Variants in PKNOX1 observed in about 807,000 individuals in gnomAD.
The protein encoded by PKNOX1 is PBX/knotted 1 homeobox 1, also known as homeobox protein PKNOX1.
In PKNOX1, 15 loss-of-function variants were observed where a neutral mutation model predicts 51.9. That is an observed-to-expected ratio of 0.29 (90% CI 0.19 to 0.45). The LOEUF (loss-of-function observed/expected upper bound fraction) is 0.45, where lower values mean the gene tolerates loss of function less well. Ranked by LOEUF, PKNOX1 falls within the 20% of genes least tolerant of loss-of-function variation. The pLI, the probability that PKNOX1 is intolerant of heterozygous loss-of-function variation, is 1.00. For missense variants in PKNOX1, 462 were observed against 547.5 expected (o/e 0.84, Z 1.56); for synonymous variants, 219 against 211.1 (o/e 1.04, Z -0.32).
intron 9 of PKNOX1, 137 bp from the exon 10 acceptor site, chr21:43,028,565 G>A: frequency 1.3e-6 from 1 of 750,550 alleles, no homozygotes; most frequent in South Asian, 1.7e-5. Flanking sequence ...CTCTTAAGTA[G>A]TTACTATAGT....
intron 2 of PKNOX1, among the ~76,000 whole-genome samples, chr21:43,005,534 C>CTT (rs35211045): frequency 9.6e-5 from 14 of 145,106 alleles, no homozygotes; most frequent in Non-Finnish European, 2.1e-4. Flanking sequence ...TTCCAATTGA[C>CTT]TTTTTTTTTT....
intron 1 of PKNOX1, among the ~76,000 whole-genome samples, chr21:43,002,493 C>T (rs1978807077): frequency 6.7e-6 from 1 of 148,170 alleles, no homozygotes. Context: ...CCCTTAGTGG[C>T]TCCAGAATGA....
chr21:42,976,589 GT>G (rs763873087), intron 1 of PKNOX1, among the ~76,000 whole-genome samples: 2 of 152,214 alleles, frequency 1.3e-5, no homozygotes. Context: ...TATTCCAAAT[GT>G]TTTGTTGTCA....
At chr21:43,015,388 G>A (rs1248847834) in intron 5 of PKNOX1, among the ~76,000 whole-genome samples, 1 of 152,136 alleles carries the variant, frequency 6.6e-6, no homozygotes, top group Non-Finnish European at 1.5e-5. Flanking sequence ...TACATGGATT[G>A]GTTTTTTGAA....
chr21:42,978,576 C>T (rs1210295524), intron 1 of PKNOX1, among the ~76,000 whole-genome samples: 1 of 151,082 alleles, frequency 6.6e-6, no homozygotes, highest in Non-Finnish European at 1.5e-5. Context: ...CTCTGCCTCC[C>T]GGGTTCAAGT....
intron 1 of PKNOX1, among the ~76,000 whole-genome samples, chr21:42,984,680 G>C (rs2059042674): frequency 6.6e-6 from 1 of 152,172 alleles, no homozygotes; most frequent in African/African-American, 2.4e-5. Flanking sequence ...GAGCCACCAT[G>C]CCCGGCCAGT....
chr21:43,030,294 CGT>C lies in PKNOX1; in HGVS notation c.*199_*200del. 1.3e-5 allele frequency: 3 copies of C among 237,020 alleles called. No individual in the cohort carries two copies. Among genetic ancestry groups the C allele is most frequent in the South Asian group, 2.3e-4 (2 of 8,754 alleles). 14.7% of individuals were successfully genotyped at this position (237,020 alleles called of 1,614,324 possible). A position where few individuals can be genotyped will look rare whatever the true frequency, so the allele number is the denominator to read the frequency against. ...GTGTGTGTGTGTGTGTGTGTGTGTG[CGT>C]GTGTGCGTGTGTGTGGATTTTTAAA... On this transcript the variant is annotated 3_prime_UTR_variant, in exon 11 of 11. Transcript: ENST00000291547.
chr21:43,009,270 A>G (rs1325574104), intron 3 of PKNOX1, among the ~76,000 whole-genome samples: 1 of 76,232 alleles, frequency 1.3e-5, no homozygotes, highest in Non-Finnish European at 2.7e-5. Context: ...CAACGTGGAG[A>G]AACCCTGTCT....
chr21:42,975,193 C>T (rs1270412018), intron 1 of PKNOX1, among the ~76,000 whole-genome samples: 14 of 146,614 alleles, frequency 9.5e-5, no homozygotes, highest in African/African-American at 3.5e-4. Flanking sequence ...GGCGGGGCTG[C>T]TCGGAGGGTG....
chr21:43,006,328 G>A (rs1187846065), intron 2 of PKNOX1, among the ~76,000 whole-genome samples: 2 of 152,064 alleles, frequency 1.3e-5, no homozygotes, highest in African/African-American at 2.4e-5. Flanking sequence ...GTTTCACCAT[G>A]TTGGCCAGGC....
chr21:43,028,083 C>G (rs895214130), intron 9 of PKNOX1, among the ~76,000 whole-genome samples: 1 of 152,226 alleles, frequency 6.6e-6, no homozygotes, highest in African/African-American at 2.4e-5. Flanking sequence ...GGCCACATGT[C>G]TAGGACCACT....
Position 42,997,157 on chromosome 21 carries a change from A to C in PKNOX1, c.-56-7169A>C, listed in dbSNP as rs1427321829. 3.3e-5 allele frequency among the ~76,000 whole-genome samples: 5 copies of C among 152,214 alleles called. No homozygotes were observed. The East Asian group carries it at 7.7e-4, about 23-fold the overall frequency. The stretch of plus-strand genomic sequence containing the variant: ...CAGCATCCCAAAGAGCTGGAATTAC[A>C]GGCATGAGCCATAACGCCTGGCCCC... On this transcript the variant is annotated intron_variant, in intron 1 of 10. Coordinates refer to ENST00000291547, the MANE Select transcript of PKNOX1 (RefSeq NM_004571.5).
intron 5 of PKNOX1, among the ~76,000 whole-genome samples, chr21:43,016,562 G>A (rs934716191): frequency 2.0e-5 from 3 of 152,300 alleles, no homozygotes; most frequent in South Asian, 4.1e-4. Context: ...AGTCCACCAA[G>A]CCAAGTCTAA....
rs976629507 is a variant in PKNOX1 at position 43,004,441 on chromosome 21, G to A, written c.51+9G>A. The A allele has an allele frequency of 6.3e-7, 1 of 1,583,836 alleles. No homozygotes were observed. The highest frequency in any genetic ancestry group is 1.1e-5 in the South Asian group (1 of 90,440). On this transcript the variant is annotated intron_variant, in intron 2 of 10. Coordinates refer to ENST00000291547, the MANE Select transcript of PKNOX1 (RefSeq NM_004571.5). ...ATCAAGATGGGCAACAGGTGAGCTT[G>A]AACTTGATTCTGCATTCTAATTACA...
At chr21:42,975,027 G>C (rs1601258497) in intron 1 of PKNOX1, among the ~76,000 whole-genome samples, 1 of 127,726 alleles carries the variant, frequency 7.8e-6, no homozygotes, top group Non-Finnish European at 1.7e-5. Flanking sequence ...CCCTTTCGGA[G>C]TGCGGCGCGC....
At chr21:43,014,529 T>G (rs1979402000) in intron 5 of PKNOX1, among the ~76,000 whole-genome samples, 1 of 152,238 alleles carries the variant, frequency 6.6e-6, no homozygotes, top group African/African-American at 2.4e-5. Context: ...TTATTAGGTT[T>G]TCCTTTTATG....
intron 1 of PKNOX1, among the ~76,000 whole-genome samples, chr21:42,987,426 T>A: frequency 7.4e-6 from 1 of 134,382 alleles, no homozygotes; most frequent in Admixed American, 7.7e-5. Flanking sequence ...TATATATATA[T>A]ATGTATACTC....
intron 2 of PKNOX1, among the ~76,000 whole-genome samples, chr21:43,005,635 C>G (rs1251805648): frequency 1.3e-5 from 2 of 151,884 alleles, no homozygotes; most frequent in African/African-American, 4.8e-5. Flanking sequence ...GACTGAGCTG[C>G]TCTGTGGCCC....
chr21:42,998,138 A>G (rs1231972046), intron 1 of PKNOX1, among the ~76,000 whole-genome samples: 1 of 152,196 alleles, frequency 6.6e-6, no homozygotes, highest in African/African-American at 2.4e-5. Context: ...ATGGCTGGGG[A>G]AGCCTCACAA....
Sources: gnomAD v4.1 joint callset for allele counts (sites outside exome capture counted in the v4.1 genomes callset) on GRCh38, gnomAD v4.1.1 for gene constraint, MANE v1.5 for transcripts, NCBI Gene and HGNC (gene_info 2026-07-23, HGNC 2026-07-21) for gene names.